CELSR1: variants seen among roughly 807,000 people sequenced by gnomAD.
The protein encoded by CELSR1 is cadherin EGF LAG seven-pass G-type receptor 1.
A neutral mutation model predicts 249.1 loss-of-function variants in CELSR1; 110 were observed. The ratio of observed to expected loss-of-function variants is 0.44; its 90% CI spans 0.38 to 0.52. CELSR1 has a LOEUF of 0.52. CELSR1 is among the 20% of genes least tolerant of loss of function. The pLI is 0.00. For missense variants in CELSR1, 4,109 were observed against 4,296.4 expected, an observed-to-expected ratio of 0.96 and a Z score of 1.22; for synonymous variants, 2,113 against 1,900.0, an observed-to-expected ratio of 1.11 and a Z score of -2.92.
At position 46,428,197 on chromosome 22, in the gene CELSR1, G is replaced by A. The variant is rs546491484; in HGVS notation, c.4611+5196C>T. 2.0e-5 allele frequency among the ~76,000 whole-genome samples: 3 copies of A among 152,154 alleles called. No individual in the cohort carries two copies. The highest frequency in any genetic ancestry group is 2.9e-5 in the Non-Finnish European group (2 of 68,030). ...TGCTGTCTTTATAAAAGCACTTTCC[G>A]CAGCATGCCAAAGACAGCCCCGCGC... On this transcript the variant is annotated intron_variant, in intron 5 of 34. Coordinates refer to ENST00000674500, the MANE Select transcript of CELSR1 (RefSeq NM_001378328.1). The surrounding 1 kb of genome is among the most constrained non-coding windows in gnomAD (Gnocchi z 5.7).
At chr22:46,521,718 G>A (rs1317134807) in intron 1 of CELSR1, among the ~76,000 whole-genome samples, 1 of 151,910 alleles carries the variant, frequency 6.6e-6, no homozygotes, top group Non-Finnish European at 1.5e-5. Flanking sequence ...TGGGGAGGCT[G>A]AGGCAGGAGA....
Position 46,410,684 on chromosome 22 carries a change from A to G in CELSR1, c.4770-123T>C. The G allele has an allele frequency of 1.1e-6, 1 of 911,714 alleles. No homozygotes were observed. The highest frequency in any genetic ancestry group is 1.6e-6 in the Non-Finnish European group (1 of 609,248). The allele number at this position is 911,714 out of a possible 1,614,324, so 56.5% of individuals were successfully genotyped here. On this transcript the variant is annotated intron_variant, in intron 6 of 34. Coordinates refer to ENST00000674500, the MANE Select transcript of CELSR1 (RefSeq NM_001378328.1). The surrounding 1 kb of genome is among the most constrained non-coding windows in gnomAD (Gnocchi z 6.8). ...TAACTACTTCAGAAACCAAGCAGAC[A>G]GGCGGGGAGAGGCCAAAGTCAGAGG... is the stretch of plus-strand genomic sequence containing the variant.
intron 1 of CELSR1, among the ~76,000 whole-genome samples, chr22:46,520,044 G>T (rs143091931): frequency 6.6e-6 from 1 of 151,848 alleles, no homozygotes; most frequent in Non-Finnish European, 1.5e-5. Flanking sequence ...GCTAATTTTT[G>T]TATTTTTTTA....
chr22:46,404,190 T>C (rs1602087315), intron 9 of CELSR1, among the ~76,000 whole-genome samples: 1 of 151,490 alleles, frequency 6.6e-6, no homozygotes, highest in African/African-American at 2.4e-5. Flanking sequence ...GGCGGGTGGG[T>C]CACCTGAGGT....
At position 46,363,434 on chromosome 22, in the gene CELSR1, A is replaced by G; in HGVS notation, c.9036-187T>C. ...TTGGGAGGCAGGAGAGGGGACCAGG[A>G]CCAGCCTGTGGGCCTCTGTGTTGCT... is the stretch of plus-strand genomic sequence containing the variant. On this transcript the variant is annotated intron_variant, in intron 34 of 34. Transcript: ENST00000674500. The surrounding 1 kb of genome is among the most constrained non-coding windows in gnomAD (Gnocchi z 4.3). The G allele has an allele frequency of 1.8e-6, 1 of 569,020 alleles. No homozygotes were observed. The highest frequency in any genetic ancestry group is 3.1e-6 in the Non-Finnish European group (1 of 317,738). The allele number at this position is 569,020 out of a possible 1,614,324, so 35.2% of individuals were successfully genotyped here.
rs549224508 is a variant in CELSR1, at chr22:46,381,601, G to A, written c.7088+245C>T. Among the ~76,000 whole-genome samples the A allele has an allele frequency of 2.0e-5, 3 of 152,182 alleles. No individual in the cohort carries two copies. In the East Asian group the frequency reaches 5.8e-4, roughly 29 times the overall value. On this transcript the variant is annotated intron_variant, in intron 21 of 34. Transcript: ENST00000674500. The surrounding 1 kb of genome is among the most constrained non-coding windows in gnomAD (Gnocchi z 6.0). ...TGTATGCTGGGGAGGGGGCATTTCTGGCACAAACACCAGGATGAGCCCAGG... is the reference window on the plus strand; with the variant it reads ...TGTATGCTGGGGAGGGGGCATTTCTAGCACAAACACCAGGATGAGCCCAGG...
intron 1 of CELSR1, among the ~76,000 whole-genome samples, chr22:46,520,463 A>G (rs540119867): frequency 2.0e-5 from 3 of 152,074 alleles, no homozygotes; most frequent in Non-Finnish European, 4.4e-5. Context: ...TAACATGGTA[A>G]CCACTTTTAT....
intron 28 of CELSR1, among the ~76,000 whole-genome samples, chr22:46,367,427 G>GT (rs1293255849): frequency 6.6e-6 from 1 of 152,222 alleles, no homozygotes; most frequent in Admixed American, 6.5e-5. Flanking sequence ...CCACTGTGTC[G>GT]TAAGTCCACT....
chr22:46,525,944 G>A (rs981251095), intron 1 of CELSR1, among the ~76,000 whole-genome samples: 1 of 152,242 alleles, frequency 6.6e-6, no homozygotes, highest in Admixed American at 6.5e-5. Flanking sequence ...CCCTCCTGCC[G>A]GCTCCTGCCC....
rs2080361162 is a variant in CELSR1 at position 46,490,928 on chromosome 22, TG to T, written c.3545-26584del. 6.6e-6 allele frequency among the ~76,000 whole-genome samples: 1 copy of T among 152,144 alleles called. No individual in the cohort carries two copies. The highest frequency in any genetic ancestry group is 1.5e-5 in the Non-Finnish European group (1 of 68,020). On this transcript the variant is annotated intron_variant, in intron 1 of 34. Transcript: ENST00000674500. The surrounding 1 kb of genome is among the most constrained non-coding windows in gnomAD (Gnocchi z 5.2). ...CAGAGGATCAGGAGGTCCAGTGACT[TG>T]CCCAAGGCCACCTGAGGGCTGCCTC...
At chr22:46,392,345 C>G (rs1407673176) in intron 14 of CELSR1, among the ~76,000 whole-genome samples, 5 of 152,174 alleles carry the variant, frequency 3.3e-5, no homozygotes, top group African/African-American at 1.2e-4. Flanking sequence ...CTCAACCCCG[C>G]CCCGGAAAAC....
chr22:46,466,656 A>G lies in CELSR1; in HGVS notation c.3545-2311T>C, dbSNP rs981386164. Reference sequence around the variant, plus strand: ...CACTGGGTTTGGGACGCTTTGTTACACAGCACCAGACAACCAAAACCAATA... The same window carrying G: ...CACTGGGTTTGGGACGCTTTGTTACGCAGCACCAGACAACCAAAACCAATA... On this transcript the variant is annotated intron_variant, in intron 1 of 34. Coordinates refer to ENST00000674500, the MANE Select transcript of CELSR1 (RefSeq NM_001378328.1). 2.0e-5 allele frequency among the ~76,000 whole-genome samples: 3 copies of G among 152,196 alleles called. No individual in the cohort carries two copies. The South Asian group carries it at 6.2e-4, about 31-fold the overall frequency.
intron 2 of CELSR1, among the ~76,000 whole-genome samples, chr22:46,452,626 A>C (rs960358087): frequency 2.6e-5 from 4 of 152,202 alleles, no homozygotes; most frequent in African/African-American, 7.2e-5. Context: ...CCCTCAAAAC[A>C]AACCCAGGGT....
chr22:46,452,105 G>C (rs2079892541), intron 2 of CELSR1, among the ~76,000 whole-genome samples: 1 of 152,116 alleles, frequency 6.6e-6, no homozygotes, highest in Non-Finnish European at 1.5e-5. Context: ...CTGAGGGAAG[G>C]CATGTCTGTT....
At position 46,436,465 on chromosome 22, in the gene CELSR1, A is replaced by C. The variant is rs2079662664; in HGVS notation, c.4407-176T>G. The stretch of plus-strand genomic sequence containing the variant: ...AGACAGCCCATCAAGCTTGATAAGC[A>C]GGGTTCTTTTCTGGAAGCAGCAAAC... On this transcript the variant is annotated intron_variant, in intron 3 of 34. Coordinates refer to ENST00000674500, the MANE Select transcript of CELSR1 (RefSeq NM_001378328.1). The surrounding 1 kb of genome is among the most constrained non-coding windows in gnomAD (Gnocchi z 5.9). Among the ~76,000 whole-genome samples the C allele has an allele frequency of 6.6e-6, 1 of 152,206 alleles. No homozygotes were observed. Among genetic ancestry groups the C allele is most frequent in the African/African-American group, 2.4e-5 (1 of 41,438 alleles).
intron 5 of CELSR1, among the ~76,000 whole-genome samples, chr22:46,416,606 G>A (rs1173393315): frequency 3.3e-5 from 5 of 152,164 alleles, no homozygotes; most frequent in African/African-American, 7.2e-5. Flanking sequence ...AGCCAGCAAG[G>A]AAAAGCCACA....
rs1282333829 is a variant in CELSR1 at position 46,446,042 on chromosome 22, G to A, written c.4184-6631C>T. ...TCCTCCACAACGCTGGCCTCACCAT[G>A]TGTCAGTCCCACTGGCTAGACTCCC... is the stretch of plus-strand genomic sequence containing the variant. On this transcript the variant is annotated intron_variant, in intron 2 of 34. Transcript: ENST00000674500. This position sits in a 1 kb window ranked among gnomAD's most constrained non-coding sequence, Gnocchi z 5.5. Among the ~76,000 whole-genome samples the A allele has an allele frequency of 6.6e-6, 1 of 152,110 alleles. No individual in the cohort carries two copies. The highest frequency in any genetic ancestry group is 2.4e-5 in the African/African-American group (1 of 41,424).
At position 46,537,064 on chromosome 22, in the gene CELSR1, G is replaced by A. The variant is rs1181313170; in HGVS notation, c.107C>T (p.Pro36Leu). The A allele has an allele frequency of 3.7e-6, 4 of 1,068,674 alleles. No individual in the cohort carries two copies. The highest frequency in any genetic ancestry group is 2.3e-6 in the Non-Finnish European group (2 of 885,912). The allele number at this position is 1,068,674 out of a possible 1,614,324, so 66.2% of individuals were successfully genotyped here. A position where few individuals can be genotyped will look rare whatever the true frequency, so the allele number is the denominator to read the frequency against. Reference protein sequence around the residue: ...LRAAAWEPRVPGGTRAFALRP... With the variant: ...LRAAAWEPRVLGGTRAFALRP... The stretch of plus-strand genomic sequence containing the variant: ...GAGGGCGAAGGCGCGGGTCCCGCCG[G>A]GTACGCGCGGCTCCCAGGCGGCCGC... Residue 36 changes from proline to leucine, a missense_variant, in exon 1 of 35, where the codon CCC becomes CTC. By Grantham distance (98) the Pro-to-Leu change is moderately conservative. This residue lies in a region of CELSR1 where 673 missense variants were observed against 636.8 expected (regional missense o/e 1.06). Transcript: ENST00000674500. The surrounding 1 kb of genome is among the most constrained non-coding windows in gnomAD (Gnocchi z 5.8).
intron 5 of CELSR1, among the ~76,000 whole-genome samples, chr22:46,425,609 C>T (rs1360306598): frequency 6.6e-6 from 1 of 152,174 alleles, no homozygotes; most frequent in African/African-American, 2.4e-5. Context: ...CCCTTTTTAA[C>T]ATCTACAAAG....
Sources: gnomAD v4.1 joint callset for allele counts (sites outside exome capture counted in the v4.1 genomes callset) on GRCh38, gnomAD v4.1.1 for gene constraint, gnomAD v4.1.1 regional missense constraint, Gnocchi (gnomAD v3.1) non-coding constraint, MANE v1.5 for transcripts, NCBI Gene and HGNC (gene_info 2026-07-23, HGNC 2026-07-21) for gene names.